TMEM135: variants seen among roughly 807,000 people sequenced by gnomAD.
The protein encoded by TMEM135 is transmembrane protein 135.
In TMEM135, 30 loss-of-function variants were observed where a neutral mutation model predicts 60.3. The observed-to-expected ratio is 0.50, with a 90% CI of 0.37 to 0.68. The LOEUF is 0.68. Ranked by LOEUF, TMEM135 falls within the 30% of genes least tolerant of loss-of-function variation. TMEM135 has a pLI of 0.00. For missense variants in TMEM135, 468 were observed against 548.8 expected (o/e 0.85, Z 1.47); for synonymous variants, 190 against 186.7 (o/e 1.02, Z -0.14).
At chr11:87,296,783 G>A (rs12295989) in intron 7 of TMEM135, among the ~76,000 whole-genome samples, 3,687 of 152,156 alleles carry the variant, frequency 0.024, 160 homozygotes, top group African/African-American at 0.084. Flanking sequence ...GATAGCTTTC[G>A]ATAACTACAG....
chr11:87,242,866 A>G (rs1433147774), intron 6 of TMEM135, among the ~76,000 whole-genome samples: 2 of 147,526 alleles, frequency 1.4e-5, no homozygotes, highest in African/African-American at 2.5e-5. Context: ...ATGAGATCCC[A>G]TTTGTCAATT....
At chr11:87,261,550 T>G (rs757669823) in intron 6 of TMEM135, among the ~76,000 whole-genome samples, 4 of 152,014 alleles carry the variant, frequency 2.6e-5, no homozygotes, top group Non-Finnish European at 5.9e-5. Flanking sequence ...AAATGGAAAA[T>G]TCTCACCCCT....
Position 87,314,501 on chromosome 11 carries a change from A to G in TMEM135, c.1031A>G (p.Tyr344Cys). ...GFLAGISMMF[Y>C]KSTTISMYLA... ...TTGGCAGGTATATCAATGATGTTTTATAAAAGCACAACAATTTCCATGTAT... is the reference window on the plus strand; with the variant it reads ...TTGGCAGGTATATCAATGATGTTTTGTAAAAGCACAACAATTTCCATGTAT... Residue 344 changes from tyrosine (Y) to cysteine (C), a missense_variant, in exon 12 of 15, where the codon TAT (tyrosine) becomes TGT (cysteine). Transcript: ENST00000305494. 1 of 1,610,830 alleles carries G rather than the reference A, an allele frequency of 6.2e-7. No homozygotes were observed. The highest frequency in any genetic ancestry group is 8.5e-7 in the Non-Finnish European group (1 of 1,177,732).
chr11:87,148,318 C>G (rs1374422564), intron 4 of TMEM135, among the ~76,000 whole-genome samples: 1 of 152,186 alleles, frequency 6.6e-6, no homozygotes, highest in Non-Finnish European at 1.5e-5. Context: ...GAAAGTTGTA[C>G]ACTTCAGTGC....
At chr11:87,235,015 A>G (rs1424861363) in intron 5 of TMEM135, among the ~76,000 whole-genome samples, 3 of 151,978 alleles carry the variant, frequency 2.0e-5, no homozygotes, top group East Asian at 3.9e-4. Context: ...AGTCTGAAGC[A>G]TTGAACATCT....
At chr11:87,191,040 C>T (rs553336889) in intron 5 of TMEM135, among the ~76,000 whole-genome samples, 3 of 152,230 alleles carry the variant, frequency 2.0e-5, no homozygotes, top group African/African-American at 7.2e-5. Flanking sequence ...CAAAATCGCT[C>T]ATTCACATAG....
At chr11:87,171,927 T>C (rs1456700115) in intron 5 of TMEM135, among the ~76,000 whole-genome samples, 6 of 152,150 alleles carry the variant, frequency 3.9e-5, no homozygotes, top group Non-Finnish European at 7.3e-5. Context: ...ACAGCTGATC[T>C]GACAGGAGGC....
Position 87,316,793 on chromosome 11 carries a change from G to A in TMEM135, c.1078-1344G>A, listed in dbSNP as rs560500322. ...AAGTGGCCAGAGTTTTTTAAGGCAA[G>A]GAATGGTATCTCTCTGTTTCTTGTG... is the stretch of plus-strand genomic sequence containing the variant. On this transcript the variant is annotated intron_variant, in intron 12 of 14. Coordinates refer to ENST00000305494, the MANE Select transcript of TMEM135 (RefSeq NM_022918.4). 3.9e-5 allele frequency among the ~76,000 whole-genome samples: 6 copies of A among 152,038 alleles called. No homozygotes were observed. The East Asian group carries it at 1.2e-3, about 29-fold the overall frequency.
intron 4 of TMEM135, chr11:87,096,315 C>T (rs919807134): frequency 1.6e-5 from 4 of 252,648 alleles, no homozygotes; most frequent in East Asian, 1.0e-4. Flanking sequence ...TCTTAGGTGT[C>T]AAAGAGTTTG....
At chr11:87,231,954 CTTT>C (rs756771540) in intron 5 of TMEM135, among the ~76,000 whole-genome samples, 2 of 142,026 alleles carry the variant, frequency 1.4e-5, no homozygotes, top group Non-Finnish European at 1.5e-5. Flanking sequence ...AGAAAAGAGA[CTTT>C]TTTTTTTTTT....
intron 4 of TMEM135, among the ~76,000 whole-genome samples, chr11:87,120,138 A>G (rs1192301241): frequency 8.6e-6 from 1 of 116,814 alleles, no homozygotes; most frequent in Non-Finnish European, 1.7e-5. Flanking sequence ...TTTTTGAGAC[A>G]GTCTCACTTT....
intron 5 of TMEM135, among the ~76,000 whole-genome samples, chr11:87,202,499 T>C (rs1029473413): frequency 1.3e-5 from 2 of 152,126 alleles, no homozygotes; most frequent in Non-Finnish European, 2.9e-5. Context: ...TTAATGTATG[T>C]GTTTTTTGTA....
intron 6 of TMEM135, among the ~76,000 whole-genome samples, chr11:87,285,734 C>T (rs370882962): frequency 6.6e-6 from 1 of 152,192 alleles, no homozygotes; most frequent in African/African-American, 2.4e-5. Context: ...GAAGGGGACC[C>T]GAGCAGGTTG....
chr11:87,215,297 A>T (rs1940471951), intron 5 of TMEM135, among the ~76,000 whole-genome samples: 1 of 152,226 alleles, frequency 6.6e-6, no homozygotes, highest in African/African-American at 2.4e-5. Flanking sequence ...CCATATAATG[A>T]ACTACCCCAA....
At chr11:87,068,249 G>A (rs1359764861) in intron 2 of TMEM135, among the ~76,000 whole-genome samples, 2 of 152,102 alleles carry the variant, frequency 1.3e-5, no homozygotes, top group African/African-American at 4.8e-5. Flanking sequence ...TTAACTCCTG[G>A]TATATTCTGT....
chr11:87,061,893 C>A (rs184752328), intron 1 of TMEM135, among the ~76,000 whole-genome samples: 1 of 152,184 alleles, frequency 6.6e-6, no homozygotes, highest in African/African-American at 2.4e-5. Context: ...CTGTGCCCAT[C>A]GTATTAGTCA....
intron 4 of TMEM135, among the ~76,000 whole-genome samples, chr11:87,152,511 C>T (rs1938582295): frequency 6.6e-6 from 1 of 152,192 alleles, no homozygotes; most frequent in African/African-American, 2.4e-5. Flanking sequence ...CTGGGCTTGG[C>T]TCACTGCAAC....
At position 87,244,593 on chromosome 11, in the gene TMEM135, C is replaced by G. The variant is rs559733345; in HGVS notation, c.509+7909C>G. Among the ~76,000 whole-genome samples the G allele has an allele frequency of 1.3e-3, 98 of 76,930 alleles. 1 individual carries two copies. Among genetic ancestry groups the G allele is most frequent in the South Asian group, 4.0e-3 (9 of 2,244 alleles). 50.5% of individuals were successfully genotyped at this position (76,930 alleles called of 152,430 possible). A position where few individuals can be genotyped will look rare whatever the true frequency, so the allele number is the denominator to read the frequency against. On this transcript the variant is annotated intron_variant, in intron 6 of 14. Transcript: ENST00000305494. ...TTTAGTCTTGGGAGGATGTATGTGTCGAGGAATTCATCCATTTCTTCCACA... is the reference window on the plus strand; with the variant it reads ...TTTAGTCTTGGGAGGATGTATGTGTGGAGGAATTCATCCATTTCTTCCACA...
intron 5 of TMEM135, among the ~76,000 whole-genome samples, chr11:87,197,011 T>A (rs1334446559): frequency 1.3e-5 from 2 of 151,994 alleles, no homozygotes; most frequent in East Asian, 3.9e-4. Flanking sequence ...TTTCTCCTAA[T>A]GAAAAAAAAT....
Sources: allele counts gnomAD v4.1 joint callset (sites outside exome capture counted in the v4.1 genomes callset), GRCh38; gene constraint gnomAD v4.1.1; transcripts MANE v1.5; gene names NCBI Gene and HGNC (gene_info 2026-07-23, HGNC 2026-07-21).